SV2C: variants seen among roughly 807,000 people sequenced by gnomAD.
The protein encoded by SV2C is synaptic vesicle glycoprotein 2C, also known as solute carrier family 22 member B3.
In SV2C, 49 loss-of-function variants were observed where a neutral mutation model predicts 79.7. That is an observed-to-expected ratio of 0.61 (90% CI 0.49 to 0.78). The LOEUF (loss-of-function observed/expected upper bound fraction) is 0.78. Among genes scored for constraint, SV2C ranks in the 30% least tolerant of loss-of-function variants. SV2C has a pLI of 0.00. For missense variants in SV2C, 833 were observed against 912.9 expected (o/e 0.91, Z 1.13); for synonymous variants, 334 against 333.2 (o/e 1.00, Z -0.03).
At chr5:76,254,502 A>T (rs1300933992) in intron 4 of SV2C, among the ~76,000 whole-genome samples, 1 of 152,140 alleles carries the variant, frequency 6.6e-6, no homozygotes, top group Non-Finnish European at 1.5e-5. Context: ...TTTAGCCCTT[A>T]TGAACTGCCT....
the SV2C span, among the ~76,000 whole-genome samples, chr5:75,925,229 G>A: frequency 1.6e-4 from 24 of 152,226 alleles, no homozygotes; most frequent in African/African-American, 4.8e-4. Context: ...CAGTAAGGCC[G>A]GACTTCTGTG....
intron 4 of SV2C, among the ~76,000 whole-genome samples, chr5:76,222,183 A>G (rs7706756): frequency 0.36 from 54,113 of 152,008 alleles, 10,748 homozygotes; most frequent in African/African-American, 0.55. Context: ...AGAGAAATAA[A>G]AACTTGTATC....
At chr5:76,150,218 A>G (rs1749559077) in intron 2 of SV2C, among the ~76,000 whole-genome samples, 1 of 148,302 alleles carries the variant, frequency 6.7e-6, no homozygotes, top group Non-Finnish European at 1.5e-5. Flanking sequence ...TTTTTTTGAG[A>G]CAGACTCTTG....
At chr5:75,972,070 T>C in the SV2C span, among the ~76,000 whole-genome samples, 1 of 152,114 alleles carries the variant, frequency 6.6e-6, no homozygotes, top group African/African-American at 2.4e-5. Context: ...AAGCAAGCAA[T>C]GGGGAAAGGA....
At chr5:75,997,327 A>G in the SV2C span, among the ~76,000 whole-genome samples, 1 of 152,220 alleles carries the variant, frequency 6.6e-6, no homozygotes, top group African/African-American at 2.4e-5. Context: ...AACAAAAGCC[A>G]AAATTGACAA....
At chr5:76,095,997 C>T (rs559757008) in intron 1 of SV2C, among the ~76,000 whole-genome samples, 25 of 152,214 alleles carry the variant, frequency 1.6e-4, no homozygotes, top group African/African-American at 5.3e-4. Context: ...TGAAAACTAT[C>T]GGTCTTAATC....
At chr5:76,298,679 T>G in intron 9 of SV2C, 115 bp from the exon 10 acceptor site, 1 of 1,205,938 alleles carries the variant, frequency 8.3e-7, no homozygotes, top group Non-Finnish European at 1.1e-6. Flanking sequence ...TCTGTGTTCT[T>G]TATAATTAAG....
chr5:76,060,730 T>C, the SV2C span, among the ~76,000 whole-genome samples: 6 of 152,270 alleles, frequency 3.9e-5, no homozygotes, highest in African/African-American at 1.4e-4. Context: ...GTAGCACTTT[T>C]AATTTCCTTC....
At chr5:75,929,376 G>C in the SV2C span, among the ~76,000 whole-genome samples, 22 of 152,008 alleles carry the variant, frequency 1.4e-4, no homozygotes, top group African/African-American at 5.3e-4. Flanking sequence ...GATGAGCCCA[G>C]GGAGTGTTTG....
chr5:75,903,901 G>C, the SV2C span, among the ~76,000 whole-genome samples: 1 of 152,086 alleles, frequency 6.6e-6, no homozygotes, highest in African/African-American at 2.4e-5. Flanking sequence ...ATTCTGTTTT[G>C]AGATTTAAAA....
At chr5:76,197,028 C>T (rs977197376) in intron 3 of SV2C, among the ~76,000 whole-genome samples, 2 of 152,182 alleles carry the variant, frequency 1.3e-5, no homozygotes, top group Non-Finnish European at 2.9e-5. Context: ...TCAGGACTCC[C>T]GGGGGCTGGG....
the SV2C span, among the ~76,000 whole-genome samples, chr5:75,983,625 C>A: frequency 2.7e-5 from 4 of 150,170 alleles, no homozygotes; most frequent in Non-Finnish European, 3.0e-5. Context: ...GATGTTTTGG[C>A]GAACTTTATA....
the SV2C span, among the ~76,000 whole-genome samples, chr5:75,984,692 A>G: frequency 6.6e-6 from 1 of 152,022 alleles, no homozygotes; most frequent in Admixed American, 6.6e-5. Context: ...AAATTGGCTT[A>G]TGTGATTGTG....
intron 4 of SV2C, among the ~76,000 whole-genome samples, chr5:76,224,228 A>G (rs576628379): frequency 6.6e-6 from 1 of 152,310 alleles, no homozygotes; most frequent in African/African-American, 2.4e-5. Context: ...TACCTACTGC[A>G]AACCTAACTT....
the SV2C span, among the ~76,000 whole-genome samples, chr5:75,979,830 G>A: frequency 6.6e-6 from 1 of 152,014 alleles, no homozygotes; most frequent in African/African-American, 2.4e-5. Flanking sequence ...AGAGAACCAA[G>A]GGCAGATAAA....
chr5:75,920,693 G>T, the SV2C span: 1 of 737,454 alleles, frequency 1.4e-6, no homozygotes, highest in Non-Finnish European at 2.5e-6. Flanking sequence ...TCATTCTGTT[G>T]AGGGCACTGC....
rs748408876 is a variant in SV2C, at chr5:76,291,809, G to C, written c.1290G>C (p.Arg430Ser). The change falls in exon 8 of 13, where the codon AGG becomes AGC. Residue 430 changes from arginine (R) to serine (S), a missense_variant. Coordinates refer to ENST00000502798, the MANE Select transcript of SV2C (RefSeq NM_014979.4). The part of the protein sequence containing the change: ...TFMRCFNYPV[R>S]DNTIKLTIVW... ...TGAGATGTTTCAACTACCCAGTCAG[G>C]GATAATACAATAAAGCTTACAATTG... is the stretch of plus-strand genomic sequence containing the variant. 12 of 1,610,824 alleles carry C rather than the reference G, an allele frequency of 7.4e-6. No homozygotes were observed. The South Asian group carries it at 1.2e-4, about 16-fold the overall frequency.
chr5:76,120,847 T>C (rs1748466433), intron 1 of SV2C, among the ~76,000 whole-genome samples: 1 of 150,500 alleles, frequency 6.6e-6, no homozygotes, highest in Non-Finnish European at 1.5e-5. Flanking sequence ...TGTGTCTTTA[T>C]AGCGGCATGA....
the SV2C span, among the ~76,000 whole-genome samples, chr5:75,994,402 T>C: frequency 1.3e-5 from 2 of 152,084 alleles, no homozygotes; most frequent in African/African-American, 4.8e-5. Flanking sequence ...ACTGAATGTA[T>C]GTCTTTGCTA....
Sources: gnomAD v4.1 joint callset for allele counts (sites outside exome capture counted in the v4.1 genomes callset) on GRCh38, gnomAD v4.1.1 for gene constraint, MANE v1.5 for transcripts, NCBI Gene and HGNC (gene_info 2026-07-23, HGNC 2026-07-21) for gene names.